Variants in LRP1B observed in about 807,000 individuals in gnomAD.
The protein encoded by LRP1B is low-density lipoprotein receptor-related protein 1B.
LRP1B carries 217 observed loss-of-function variants against 556.6 expected under a neutral mutation model. The ratio of observed to expected loss-of-function variants is 0.39; its 90% CI spans 0.35 to 0.44. LRP1B has a LOEUF of 0.44. Among genes scored for constraint, LRP1B ranks in the 20% least tolerant of loss-of-function variants. The pLI is 1.00. For missense variants in LRP1B, 5,053 were observed against 5,620.8 expected, an observed-to-expected ratio of 0.90 and a Z score of 3.23; for synonymous variants, 2,047 against 1,865.8, an observed-to-expected ratio of 1.10 and a Z score of -2.50.
At chr2:141,910,140 CAAA>C (rs3039375) in intron 1 of LRP1B, among the ~76,000 whole-genome samples, 5 of 131,734 alleles carry the variant, frequency 3.8e-5, no homozygotes, top group Admixed American at 7.7e-5. Flanking sequence ...GACTCCATCT[CAAA>C]AAAAAAAAAA....
At chr2:141,390,264 A>T (rs890475981) in intron 3 of LRP1B, among the ~76,000 whole-genome samples, 2 of 152,176 alleles carry the variant, frequency 1.3e-5, no homozygotes, top group Admixed American at 1.3e-4. Context: ...CTCCTCCTAC[A>T]AAGGCTATAT....
chr2:141,036,851 T>C (rs902100092), intron 11 of LRP1B, among the ~76,000 whole-genome samples: 18 of 151,442 alleles, frequency 1.2e-4, no homozygotes, highest in Admixed American at 3.9e-4. Context: ...AAATTGTATA[T>C]TGATATTAAA....
At chr2:141,220,110 AG>A (rs1359299872) in intron 6 of LRP1B, among the ~76,000 whole-genome samples, 1 of 152,222 alleles carries the variant, frequency 6.6e-6, no homozygotes, top group African/African-American at 2.4e-5. Flanking sequence ...AGGCTTCAGA[AG>A]GTGCGTAATA....
chr2:140,236,844 G>C (rs1421575234), intron 89 of LRP1B, among the ~76,000 whole-genome samples: 1 of 150,784 alleles, frequency 6.6e-6, no homozygotes, highest in Non-Finnish European at 1.5e-5. Context: ...TTTACACTAA[G>C]CTGTGTATCT....
intron 25 of LRP1B, among the ~76,000 whole-genome samples, chr2:140,871,927 C>T (rs1469681121): frequency 1.3e-5 from 2 of 151,902 alleles, no homozygotes; most frequent in East Asian, 3.9e-4. Flanking sequence ...TTTTAAGGAG[C>T]TCAATGGTTA....
intron 3 of LRP1B, among the ~76,000 whole-genome samples, chr2:141,458,094 TGAAA>T (rs1294406977): frequency 6.6e-6 from 1 of 152,134 alleles, no homozygotes; most frequent in Non-Finnish European, 1.5e-5. Flanking sequence ...GAAACTTCTG[TGAAA>T]GAAATGAAAG....
chr2:140,561,856 T>G (rs1381759062), intron 43 of LRP1B, among the ~76,000 whole-genome samples: 1 of 152,068 alleles, frequency 6.6e-6, no homozygotes, highest in Non-Finnish European at 1.5e-5. Context: ...AAAATATTAG[T>G]AATTCAAATT....
chr2:141,897,472 G>A (rs1346451911), intron 1 of LRP1B, among the ~76,000 whole-genome samples: 1 of 152,046 alleles, frequency 6.6e-6, no homozygotes, highest in African/African-American at 2.4e-5. Flanking sequence ...AATAATGTGT[G>A]AGCTGAATAT....
chr2:140,575,122 G>C (rs1199313378), intron 43 of LRP1B, among the ~76,000 whole-genome samples: 1 of 152,094 alleles, frequency 6.6e-6, no homozygotes, highest in Non-Finnish European at 1.5e-5. Flanking sequence ...CTGTGATCCT[G>C]CGATGAACTC....
chr2:142,043,521 A>G (rs1284608277), intron 1 of LRP1B, among the ~76,000 whole-genome samples: 2 of 151,634 alleles, frequency 1.3e-5, no homozygotes, highest in Admixed American at 1.3e-4. Flanking sequence ...AATAGTGTTT[A>G]TATTTTGGAT....
chr2:140,782,273 C>T (rs1214365891), intron 32 of LRP1B, among the ~76,000 whole-genome samples: 2 of 152,056 alleles, frequency 1.3e-5, no homozygotes, highest in African/African-American at 2.4e-5. Context: ...TTCTTAAGTC[C>T]CAGTACTTCA....
At chr2:141,439,997 G>A (rs1247068946) in intron 3 of LRP1B, among the ~76,000 whole-genome samples, 2 of 152,126 alleles carry the variant, frequency 1.3e-5, no homozygotes, top group Non-Finnish European at 2.9e-5. Context: ...TTCTCCACAC[G>A]AAACTCATGC....
At chr2:141,641,210 C>T (rs1221929744) in intron 2 of LRP1B, among the ~76,000 whole-genome samples, 1 of 116,624 alleles carries the variant, frequency 8.6e-6, no homozygotes, top group African/African-American at 3.3e-5. Flanking sequence ...CAGTTGGTTA[C>T]AGTGTGGTGC....
chr2:140,525,849 C>T lies in LRP1B; in HGVS notation c.8021G>A (p.Cys2674Tyr). The T allele has an allele frequency of 1.2e-6, 2 of 1,611,058 alleles. No individual in the cohort carries two copies. The highest frequency in any genetic ancestry group is 2.7e-5 in the African/African-American group (2 of 74,832). ...DCGDYSDELK[C>Y]PVQNKHKCEE... ...TTTCTAAATTCTAGTATTACCTGGG[C>T]ACTTTAATTCATCTGAATAGTCTCC... Residue 2674 changes from cysteine to tyrosine, a missense_variant, in exon 49 of 91, where the codon TGC (cysteine) becomes TAC (tyrosine). By Grantham distance (194) the Cys-to-Tyr change is radical (BLOSUM62 -2). Coordinates refer to ENST00000389484, the MANE Select transcript of LRP1B (RefSeq NM_018557.3).
In LRP1B at chr2:140,233,112, A is replaced by G; in HGVS notation, c.*74T>C. The G allele has an allele frequency of 2.1e-6, 2 of 974,188 alleles. No individual in the cohort carries two copies. The highest frequency in any genetic ancestry group is 1.7e-5 in the African/African-American group (1 of 59,138). 60.3% of individuals were successfully genotyped at this position (974,188 alleles called of 1,614,324 possible). A position where few individuals can be genotyped will look rare whatever the true frequency, so the allele number is the denominator to read the frequency against. On this transcript the variant is annotated 3_prime_UTR_variant, in exon 91 of 91. Transcript: ENST00000389484. ...AGGTAATGCTGATGCCAAAACAAGT[A>G]TAATACTGTTGGAACATACAAAAGT... is the stretch of plus-strand genomic sequence containing the variant.
chr2:141,765,008 T>C (rs922113904), intron 2 of LRP1B, among the ~76,000 whole-genome samples: 3 of 152,166 alleles, frequency 2.0e-5, no homozygotes, highest in Non-Finnish European at 4.4e-5. Context: ...CTATTGACGA[T>C]GATAAAATGA....
At chr2:140,552,371 A>C (rs1217170923) in intron 43 of LRP1B, among the ~76,000 whole-genome samples, 1 of 152,160 alleles carries the variant, frequency 6.6e-6, no homozygotes. Flanking sequence ...CCTTTTATTA[A>C]CTTTAACACT....
intron 2 of LRP1B, among the ~76,000 whole-genome samples, chr2:141,563,090 T>G (rs1437437457): frequency 2.0e-5 from 3 of 152,016 alleles, no homozygotes; most frequent in Non-Finnish European, 4.4e-5. Flanking sequence ...AAGATGGTGT[T>G]AAATAAGCCT....
At chr2:140,853,725 C>A (rs1692528738) in intron 27 of LRP1B, among the ~76,000 whole-genome samples, 1 of 152,064 alleles carries the variant, frequency 6.6e-6, no homozygotes, top group Admixed American at 6.6e-5. Context: ...TCACAAAAAA[C>A]TCATTCTCCT....
Sources: allele counts gnomAD v4.1 joint callset (sites outside exome capture counted in the v4.1 genomes callset), GRCh38; gene constraint gnomAD v4.1.1; transcripts MANE v1.5; gene names NCBI Gene and HGNC (gene_info 2026-07-23, HGNC 2026-07-21).